Variants in GASK1A observed in about 807,000 individuals in gnomAD.
GASK1A encodes golgi associated kinase 1A.
In GASK1A, 40 loss-of-function variants were observed where a neutral mutation model predicts 41.2. The ratio of observed to expected loss-of-function variants is 0.97; its 90% confidence interval spans 0.75 to 1.27. The LOEUF is 1.27. Ranked by LOEUF, GASK1A falls within the 50% of genes most tolerant of loss-of-function variation. The pLI is 0.00. For synonymous variants in GASK1A, 316 were observed against 307.1 expected (o/e 1.03, Z -0.30); for missense variants, 678 against 745.1 (o/e 0.91, Z 1.05).
rs1396668733 is a variant in GASK1A, at chr3:42,984,785, C to T, written c.3+5140C>T. On this transcript the variant is annotated intron_variant, in intron 1 of 4. Coordinates refer to ENST00000430121, the MANE Select transcript of GASK1A (RefSeq NM_001129908.3). This position sits in a 1 kb window ranked among gnomAD's most constrained non-coding sequence, Gnocchi z 4.2. ...CAGGGTCCTTTAAATGAATACTTGG[C>T]ATGAATGGCATGCAGGGGAGTGAGC... 6.6e-6 allele frequency among the ~76,000 whole-genome samples: 1 copy of T among 152,212 alleles called. No homozygotes were observed.
intron 1 of GASK1A, among the ~76,000 whole-genome samples, chr3:42,998,226 T>C (rs1190265081): frequency 6.6e-6 from 1 of 152,066 alleles, no homozygotes; most frequent in Non-Finnish European, 1.5e-5. Context: ...CAAGAGCTGG[T>C]TGGATGAAGG....
intron 1 of GASK1A, among the ~76,000 whole-genome samples, chr3:42,983,889 G>T (rs6780217): frequency 0.013 from 2,012 of 152,300 alleles, 54 homozygotes; most frequent in African/African-American, 0.046. Flanking sequence ...GATGTCGGGG[G>T]TGGTGGGAAC....
intron 1 of GASK1A, among the ~76,000 whole-genome samples, chr3:43,015,178 G>A (rs922023286): frequency 2.0e-5 from 3 of 151,730 alleles, no homozygotes; most frequent in African/African-American, 7.3e-5. Flanking sequence ...AAGGGGCAGG[G>A]TGGTGTGAAA....
At chr3:42,985,404 G>A (rs750834374) in intron 1 of GASK1A, among the ~76,000 whole-genome samples, 34 of 152,246 alleles carry the variant, frequency 2.2e-4, no homozygotes, top group African/African-American at 6.3e-4. Context: ...TCTCCCTGCC[G>A]TCTTGTCATT....
At position 43,033,076 on chromosome 3, in the gene GASK1A, G is replaced by C. The variant is rs1456549650; in HGVS notation, c.813G>C (p.Leu271=). The part of the protein sequence containing the change: ...LTDHDVQMLR[L]LAQGEVVDKA... ...ACCACGATGTGCAGATGCTCCGTCT[G>C]TTGGCACAGGGGGAGGTGGTGGACA... is the stretch of plus-strand genomic sequence containing the variant. The change falls in exon 2 of 5, where the codon CTG becomes CTC. Residue 271 remains leucine, a synonymous_variant. Transcript: ENST00000430121. The C allele has an allele frequency of 1.3e-6, 2 of 1,551,642 alleles. No homozygotes were observed. Among genetic ancestry groups the C allele is most frequent in the Non-Finnish European group, 1.7e-6 (2 of 1,147,014 alleles).
intron 4 of GASK1A, 27 bp downstream of exon 4, chr3:43,055,562 G>A (rs1254765012): frequency 2.7e-6 from 4 of 1,506,942 alleles, no homozygotes; most frequent in Non-Finnish European, 9.0e-7. Flanking sequence ...TTGGGTGGAA[G>A]TTCATGGGAC....
At chr3:42,995,054 G>A (rs2089362400) in intron 1 of GASK1A, among the ~76,000 whole-genome samples, 1 of 152,198 alleles carries the variant, frequency 6.6e-6, no homozygotes, top group South Asian at 2.1e-4. Flanking sequence ...CATGTGGCTA[G>A]TGGCTCTCAT....
chr3:43,050,161 T>C (rs1002505653), intron 2 of GASK1A, among the ~76,000 whole-genome samples: 1 of 152,204 alleles, frequency 6.6e-6, no homozygotes, highest in Non-Finnish European at 1.5e-5. Context: ...TAGTGTCCTT[T>C]CATTCAACCT....
chr3:43,002,517 G>A (rs2089414447), intron 1 of GASK1A, among the ~76,000 whole-genome samples: 1 of 152,130 alleles, frequency 6.6e-6, no homozygotes, highest in South Asian at 2.1e-4. Flanking sequence ...GGGGCTCCAA[G>A]GACCTCTGCC....
intron 2 of GASK1A, among the ~76,000 whole-genome samples, chr3:43,045,440 T>C (rs2089657322): frequency 6.6e-6 from 1 of 152,236 alleles, no homozygotes. Context: ...CATATTGGAA[T>C]ATAGCCATGC....
intron 1 of GASK1A, among the ~76,000 whole-genome samples, chr3:42,998,841 A>G (rs1188498853): frequency 2.0e-5 from 3 of 152,260 alleles, no homozygotes; most frequent in Admixed American, 6.5e-5. Context: ...CTCCGTGGCT[A>G]CTAGTGATGC....
rs919673911 is a variant in GASK1A at position 43,004,303 on chromosome 3, C to G, written c.3+24658C>G. 3.3e-5 allele frequency among the ~76,000 whole-genome samples: 5 copies of G among 152,206 alleles called. No homozygotes were observed. In the East Asian group the frequency reaches 9.6e-4, roughly 29 times the overall value. Reference sequence around the variant, plus strand: ...CAAGGAGACGTTTAGCTGCTCAGAGCGAAGGCTAATGAATGACTTCTCACC... The same window carrying G: ...CAAGGAGACGTTTAGCTGCTCAGAGGGAAGGCTAATGAATGACTTCTCACC... On this transcript the variant is annotated intron_variant, in intron 1 of 4. Transcript: ENST00000430121.
Position 43,056,511 on chromosome 3 carries a change from T to G in GASK1A, c.*125T>G. ...GGGCACAAGGATGTCACGGGATATT[T>G]CACCTGCCTGGGATGGTGGAGGTAG... On this transcript the variant is annotated 3_prime_UTR_variant, in exon 5 of 5. Coordinates refer to ENST00000430121, the MANE Select transcript of GASK1A (RefSeq NM_001129908.3). The G allele has an allele frequency of 1.2e-6, 1 of 839,752 alleles. No homozygotes were observed. The highest frequency in any genetic ancestry group is 1.8e-6 in the Non-Finnish European group (1 of 553,604). 52.0% of individuals were successfully genotyped at this position (839,752 alleles called of 1,614,324 possible). A position where few individuals can be genotyped will look rare whatever the true frequency, so the allele number is the denominator to read the frequency against.
intron 1 of GASK1A, among the ~76,000 whole-genome samples, chr3:43,004,846 C>T (rs776641817): frequency 1.2e-4 from 18 of 152,188 alleles, no homozygotes; most frequent in Non-Finnish European, 2.2e-4. Context: ...TAAAACGACA[C>T]GAATTAATTT....
chr3:43,003,979 A>G (rs533189749), intron 1 of GASK1A, among the ~76,000 whole-genome samples: 1 of 152,224 alleles, frequency 6.6e-6, no homozygotes, highest in African/African-American at 2.4e-5. Context: ...CATTTCATTC[A>G]TTTATTTATT....
intron 1 of GASK1A, among the ~76,000 whole-genome samples, chr3:43,030,591 A>C (rs2089570231): frequency 6.6e-6 from 1 of 152,130 alleles, no homozygotes; most frequent in African/African-American, 2.4e-5. Context: ...CTCCCTGCAG[A>C]CTGGCTCTCA....
intron 1 of GASK1A, among the ~76,000 whole-genome samples, chr3:42,995,862 C>T (rs184906538): frequency 6.6e-6 from 1 of 152,338 alleles, no homozygotes; most frequent in East Asian, 1.9e-4. Flanking sequence ...TCCCCACCCC[C>T]TCTTGATCCC....
At chr3:43,049,242 C>T (rs965803960) in intron 2 of GASK1A, among the ~76,000 whole-genome samples, 1 of 152,040 alleles carries the variant, frequency 6.6e-6, no homozygotes, top group East Asian at 1.9e-4. Flanking sequence ...CTGCAACTTA[C>T]TTTGAAATGC....
At chr3:43,025,624 A>G (rs9311332) in intron 1 of GASK1A, among the ~76,000 whole-genome samples, 52,916 of 152,082 alleles carry the variant, frequency 0.35, 9,845 homozygotes, top group Non-Finnish European at 0.43. Context: ...CACTCGATTC[A>G]CACAAAGCTG....
Sources: allele counts gnomAD v4.1 joint callset (sites outside exome capture counted in the v4.1 genomes callset), GRCh38; gene constraint gnomAD v4.1.1; non-coding constraint Gnocchi (gnomAD v3.1); transcripts MANE v1.5; gene names NCBI Gene and HGNC (gene_info 2026-07-23, HGNC 2026-07-21).